Variants in FRMD4B observed in about 807,000 individuals in gnomAD.
The protein encoded by FRMD4B is FERM domain-containing protein 4B.
A neutral mutation model predicts 141.5 loss-of-function variants in FRMD4B; 74 were observed. The observed-to-expected ratio is 0.52, with a 90% CI of 0.43 to 0.63. The LOEUF (loss-of-function observed/expected upper bound fraction) is 0.63. FRMD4B is among the 30% of genes least tolerant of loss of function. FRMD4B has a pLI of 0.00. For synonymous variants in FRMD4B, 506 were observed against 467.9 expected (o/e 1.08, Z -1.05); for missense variants, 1,366 against 1,253.4 (o/e 1.09, Z -1.36).
intron 2 of FRMD4B, among the ~76,000 whole-genome samples, chr3:69,402,111 T>C (rs1169598507): frequency 6.6e-6 from 1 of 152,150 alleles, no homozygotes; most frequent in Non-Finnish European, 1.5e-5. Flanking sequence ...TCATGGGTGA[T>C]TATCCAATAT....
chr3:69,384,366 G>C (rs996560542), intron 1 of FRMD4B, among the ~76,000 whole-genome samples: 1 of 152,038 alleles, frequency 6.6e-6, no homozygotes, highest in Non-Finnish European at 1.5e-5. Flanking sequence ...GAGTCACTCT[G>C]GTTGGCTACA....
chr3:69,389,032 CTTTTTTTTT>C (rs34005688), upstream of FRMD4B, among the ~76,000 whole-genome samples: 14 of 108,750 alleles, frequency 1.3e-4, no homozygotes, highest in African/African-American at 4.3e-4. Flanking sequence ...TCTTAGTCTA[CTTTTTTTTT>C]TTTTTTTTTT....
At chr3:69,331,113 T>A (rs776716404) in intron 1 of FRMD4B, among the ~76,000 whole-genome samples, 7 of 152,176 alleles carry the variant, frequency 4.6e-5, no homozygotes, top group Admixed American at 6.5e-5. Flanking sequence ...CGTGTCCCTA[T>A]CTCAAAGCTG....
At chr3:69,244,468 T>A (rs575150415) in intron 7 of FRMD4B, among the ~76,000 whole-genome samples, 47 of 152,306 alleles carry the variant, frequency 3.1e-4, no homozygotes, top group South Asian at 8.3e-4. Flanking sequence ...TGGTCAATGT[T>A]TGTTTGTTTA....
chr3:69,260,132 C>T lies in FRMD4B; in HGVS notation c.502-10033G>A, dbSNP rs1050920053. Among the ~76,000 whole-genome samples, 6 of 152,154 alleles carry T rather than the reference C, an allele frequency of 3.9e-5. No homozygotes were observed. The South Asian group carries it at 6.2e-4, about 16-fold the overall frequency. On this transcript the variant is annotated intron_variant, in intron 5 of 22. Coordinates refer to ENST00000398540, the MANE Select transcript of FRMD4B (RefSeq NM_015123.3). ...CGTGCTAGCAGCCCTCGCTCGCTCT[C>T]GGTGCCTCCTTGGCCTCGGTGTCCA...
In FRMD4B at chr3:69,323,113, A is replaced by G. The variant is rs898195653; in HGVS notation, c.163-9596T>C. 2.7e-5 allele frequency: 9 copies of G among 334,982 alleles called. No homozygotes were observed. In the South Asian group the frequency reaches 1.1e-3, roughly 40 times the overall value. 20.8% of individuals were successfully genotyped at this position (334,982 alleles called of 1,614,324 possible). Reference sequence around the variant, plus strand: ...AAGCAAAGGAGGAAAGGAAAATGAAATGAGGGAAGAGGGGAGGAATGACAA... The same window carrying G: ...AAGCAAAGGAGGAAAGGAAAATGAAGTGAGGGAAGAGGGGAGGAATGACAA... On this transcript the variant is annotated intron_variant, in intron 1 of 22. Coordinates refer to ENST00000398540, the MANE Select transcript of FRMD4B (RefSeq NM_015123.3).
chr3:69,266,671 A>C (rs2093563730), intron 5 of FRMD4B, among the ~76,000 whole-genome samples: 1 of 152,192 alleles, frequency 6.6e-6, no homozygotes, highest in African/African-American at 2.4e-5. Context: ...AGGAAAAATT[A>C]TTCTTTACGT....
At position 69,342,883 on chromosome 3, in the gene FRMD4B, A is replaced by G. The variant is rs1702783905; in HGVS notation, c.163-29366T>C. The stretch of plus-strand genomic sequence containing the variant: ...TCTAGCTGTAATTTTGCATCCTTTA[A>G]CAAACACTAGAGGCTAGGAAGGGTG... On this transcript the variant is annotated intron_variant, in intron 1 of 22. Coordinates refer to ENST00000398540, the MANE Select transcript of FRMD4B (RefSeq NM_015123.3). Among the ~76,000 whole-genome samples, 3 of 152,298 alleles carry G rather than the reference A, an allele frequency of 2.0e-5. No individual in the cohort carries two copies. In the South Asian group the frequency reaches 6.2e-4, roughly 32 times the overall value.
At chr3:69,525,264 C>CCAT (rs200743530) in intron 1 of FRMD4B, among the ~76,000 whole-genome samples, 1 of 152,166 alleles carries the variant, frequency 6.6e-6, no homozygotes, top group African/African-American at 2.4e-5. Flanking sequence ...TTCAGACTCC[C>CCAT]CTTTCTCAGA....
chr3:69,219,121 C>T (rs912889697), intron 9 of FRMD4B, among the ~76,000 whole-genome samples: 1 of 148,134 alleles, frequency 6.8e-6, no homozygotes, highest in Non-Finnish European at 1.5e-5. Context: ...GCCGAGATTG[C>T]ACTATTGCAC....
chr3:69,212,009 A>T (rs961347897), intron 11 of FRMD4B, among the ~76,000 whole-genome samples: 1 of 142,936 alleles, frequency 7.0e-6, no homozygotes, highest in Admixed American at 7.6e-5. Flanking sequence ...AGAAATAAAC[A>T]ATGGCACAGA....
chr3:69,267,290 T>A (rs971190720), intron 5 of FRMD4B, among the ~76,000 whole-genome samples: 1 of 152,126 alleles, frequency 6.6e-6, no homozygotes, highest in African/African-American at 2.4e-5. Context: ...AAAGGAAGAC[T>A]GGCCTGCTCT....
At chr3:69,532,052 CT>C (rs1701016189) in intron 1 of FRMD4B, among the ~76,000 whole-genome samples, 1 of 152,184 alleles carries the variant, frequency 6.6e-6, no homozygotes, top group Admixed American at 6.5e-5. Context: ...CAATTTAAGT[CT>C]TACAGCCCAA....
At chr3:69,537,772 T>C (rs1701110008) in intron 1 of FRMD4B, among the ~76,000 whole-genome samples, 1 of 152,236 alleles carries the variant, frequency 6.6e-6, no homozygotes, top group East Asian at 1.9e-4. Flanking sequence ...ATTCAGCTCA[T>C]TTTCCATTAT....
At chr3:69,362,427 C>T (rs1022661169) in intron 1 of FRMD4B, among the ~76,000 whole-genome samples, 4 of 152,172 alleles carry the variant, frequency 2.6e-5, no homozygotes. Flanking sequence ...TTCACTGAGA[C>T]ACTGGTAAAT....
At chr3:69,452,427 A>G (rs1422822486) in intron 1 of FRMD4B, among the ~76,000 whole-genome samples, 1 of 152,228 alleles carries the variant, frequency 6.6e-6, no homozygotes, top group Non-Finnish European at 1.5e-5. Context: ...TGAGCAAGTC[A>G]TTTAGACTTT....
chr3:69,191,456 G>T (rs2092836597), intron 17 of FRMD4B, among the ~76,000 whole-genome samples: 1 of 151,910 alleles, frequency 6.6e-6, no homozygotes. Flanking sequence ...AAAAACAAAC[G>T]TATTCAGTAA....
intron 1 of FRMD4B, chr3:69,353,606 C>T (rs907014655): frequency 4.1e-6 from 4 of 985,242 alleles, no homozygotes; most frequent in Non-Finnish European, 4.8e-6. Flanking sequence ...AGACAAAAGA[C>T]ACACGTATTA....
At position 69,273,551 on chromosome 3, in the gene FRMD4B, CAG is replaced by C. The variant is rs371709099; in HGVS notation, c.501+14199_501+14200del. On this transcript the variant is annotated intron_variant, in intron 5 of 22. Transcript: ENST00000398540. ...GTAGCTCCACCTTAGGGAGAGAAAA[CAG>C]AGTAAGACTGAAAGCTGAAAATGTC... Among the ~76,000 whole-genome samples the C allele has an allele frequency of 9.4e-4, 143 of 152,258 alleles. 2 individuals carry two copies. The highest frequency in any genetic ancestry group is 3.2e-3 in the African/African-American group (134 of 41,548).
Sources: gnomAD v4.1 joint callset for allele counts (sites outside exome capture counted in the v4.1 genomes callset) on GRCh38, gnomAD v4.1.1 for gene constraint, MANE v1.5 for transcripts, NCBI Gene and HGNC (gene_info 2026-07-23, HGNC 2026-07-21) for gene names.